TRIM15: variants seen among roughly 807,000 people sequenced by gnomAD.
TRIM15 encodes tripartite motif containing 15, also known as E3 ubiquitin-protein ligase TRIM15.
TRIM15 carries 35 observed loss-of-function variants against 35.8 expected under a neutral mutation model. That is an observed-to-expected ratio of 0.98 (90% CI 0.75 to 1.30). The LOEUF is 1.30. TRIM15 is among the 50% of genes most tolerant of loss of function. TRIM15 has a pLI of 0.00. For missense variants in TRIM15, 590 were observed against 593.5 expected, an observed-to-expected ratio of 0.99 and a Z score of 0.06; for synonymous variants, 252 against 249.8, an observed-to-expected ratio of 1.01 and a Z score of -0.08.
chr6:30,169,341 C>CA, intron 4 of TRIM15, 78 bp downstream of exon 4: 1 of 1,563,494 alleles, frequency 6.4e-7, no homozygotes, highest in South Asian at 1.1e-5. Flanking sequence ...CACTTACTGC[C>CA]ACCCACTTTG....
intron 5 of TRIM15, 23 bp from the exon 6 acceptor site, chr6:30,170,953 C>G: frequency 6.2e-7 from 1 of 1,608,622 alleles, no homozygotes; most frequent in Non-Finnish European, 8.5e-7. Flanking sequence ...ACAGATCTCT[C>G]TTTCTATTTC....
In TRIM15 at chr6:30,168,527, A is replaced by G. The variant is rs1220686468; in HGVS notation, c.705A>G (p.Leu235=). The part of the protein sequence containing the change: ...EKCQQPASEL[L]QDVRVNQSRC... ...GTCAGCAGCCAGCAAGTGAGCTTCT[A>G]CAAGTGAGAGACACTTCACCACTTT... The change falls in exon 3 of 7, where the codon CTA becomes CTG. Residue 235 remains leucine, a synonymous_variant. Transcript: ENST00000376694. The G allele has an allele frequency of 4.4e-6, 7 of 1,585,348 alleles. No individual in the cohort carries two copies. Among genetic ancestry groups the G allele is most frequent in the African/African-American group, 1.3e-5 (1 of 74,458 alleles).
chr6:30,163,610 G>C lies in TRIM15; in HGVS notation c.-75G>C. 1 of 1,508,162 alleles carries C rather than the reference G, an allele frequency of 6.6e-7. No homozygotes were observed. Among genetic ancestry groups the C allele is most frequent in the Non-Finnish European group, 8.9e-7 (1 of 1,125,164 alleles). The allele number at this position is 1,508,162 out of a possible 1,614,324, so 93.4% of individuals were successfully genotyped here. Reference sequence around the variant, plus strand: ...GTTTCCCTCTGCGATTCATGTAAGTGTGACTCGATTTCAGGGAAAGGGAAC... The same window carrying C: ...GTTTCCCTCTGCGATTCATGTAAGTCTGACTCGATTTCAGGGAAAGGGAAC... On this transcript the variant is annotated 5_prime_UTR_variant, in exon 1 of 7. Transcript: ENST00000376694.
intron 1 of TRIM15, among the ~76,000 whole-genome samples, chr6:30,166,067 G>A (rs1178008482): frequency 6.6e-6 from 1 of 152,174 alleles, no homozygotes; most frequent in Non-Finnish European, 1.5e-5. Flanking sequence ...TGTTCACTCT[G>A]ATGATAGTTT....
intron 1 of TRIM15, among the ~76,000 whole-genome samples, chr6:30,166,426 T>C (rs956439215): frequency 2.0e-4 from 31 of 152,348 alleles, no homozygotes; most frequent in African/African-American, 7.2e-4. Context: ...ATGTGTGGTG[T>C]TATTTCTGAG....
At position 30,164,066 on chromosome 6, in the gene TRIM15, G is replaced by C; in HGVS notation, c.381+1G>C. On this transcript the variant is annotated splice_donor_variant, in intron 1 of 6. Transcript: ENST00000376694. LOFTEE classifies it high-confidence loss of function. The stretch of plus-strand genomic sequence containing the variant: ...GGACGAGGCCATTCAGCCCTACCGG[G>C]TAAGAAGTGTAGCTTTACCTAGGGC... The C allele has an allele frequency of 6.2e-7, 1 of 1,608,660 alleles. No homozygotes were observed. Among genetic ancestry groups the C allele is most frequent in the Non-Finnish European group, 8.5e-7 (1 of 1,177,238 alleles).
At chr6:30,169,403 C>A in intron 4 of TRIM15, 140 bp downstream of exon 4, 1 of 876,294 alleles carries the variant, frequency 1.1e-6, no homozygotes, top group Non-Finnish European at 1.9e-6. Context: ...CAACTGTGCA[C>A]AAACAGTCCA....
intron 1 of TRIM15, among the ~76,000 whole-genome samples, chr6:30,165,275 C>A (rs1414703821): frequency 6.6e-6 from 1 of 152,098 alleles, no homozygotes; most frequent in Non-Finnish European, 1.5e-5. Flanking sequence ...CCTGACAGGC[C>A]CCGATGTGTG....
chr6:30,167,416 T>C (rs936111917), intron 2 of TRIM15, 145 bp downstream of exon 2: 18 of 666,614 alleles, frequency 2.7e-5, no homozygotes, highest in Non-Finnish European at 4.4e-5. Context: ...ACAAAGGCAT[T>C]TGGGATCTCA....
chr6:30,165,884 G>C (rs971834003), intron 1 of TRIM15, among the ~76,000 whole-genome samples: 5 of 152,120 alleles, frequency 3.3e-5, no homozygotes, highest in African/African-American at 1.2e-4. Flanking sequence ...TAGGTTTGTT[G>C]GCCACATAAA....
Position 30,167,412 on chromosome 6 carries a change from G to C in TRIM15, c.477+141G>C, listed in dbSNP as rs927086237. On this transcript the variant is annotated intron_variant, in intron 2 of 6. Transcript: ENST00000376694. ...TTCACCTTCCTGTGGCTGCACAAAG[G>C]CATTTGGGATCTCAGACCATGAGCA... The C allele has an allele frequency of 1.3e-5, 9 of 678,716 alleles. No homozygotes were observed. The South Asian group carries it at 1.7e-4, about 13-fold the overall frequency. The allele number at this position is 678,716 out of a possible 1,614,324, so 42.0% of individuals were successfully genotyped here. A position where few individuals can be genotyped will look rare whatever the true frequency, so the allele number is the denominator to read the frequency against.
chr6:30,169,245 T>C lies in TRIM15; in HGVS notation c.713T>C (p.Val238Ala). ...QQPASELLQD[V>A]RVNQSRCEMK... ...GTTCTTGTCTTTCTTTTGCAGGATG[T>C]CAGAGTCAACCAGAGCAGGTAGGGC... Residue 238 changes from valine (V) to alanine (A), a missense_variant, in exon 4 of 7, where the codon GTC becomes GCC. Transcript: ENST00000376694. The C allele has an allele frequency of 1.9e-6, 3 of 1,613,196 alleles. No homozygotes were observed. The highest frequency in any genetic ancestry group is 2.5e-6 in the Non-Finnish European group (3 of 1,180,038).
chr6:30,170,562 C>T lies in TRIM15; in HGVS notation c.793C>T (p.Arg265Cys), dbSNP rs761388796. The T allele has an allele frequency of 7.4e-6, 12 of 1,614,108 alleles. No homozygotes were observed. The highest frequency in any genetic ancestry group is 3.3e-5 in the South Asian group (3 of 91,068). Residue 265 changes from arginine (R) to cysteine (C), a missense_variant, in exon 5 of 7, where the codon CGT (arginine) becomes TGT (cysteine). Transcript: ENST00000376694. ...AISPDLVKKI[R>C]DFHRKILTLP... Reference sequence around the variant, plus strand: ...TTCTCCTGACCTTGTCAAGAAGATCCGTGATTTCCACAGGAAAATACTCAC... The same window carrying T: ...TTCTCCTGACCTTGTCAAGAAGATCTGTGATTTCCACAGGAAAATACTCAC...
chr6:30,169,147 T>C, intron 3 of TRIM15, 94 bp from the exon 4 acceptor site: 1 of 1,453,988 alleles, frequency 6.9e-7, no homozygotes, highest in East Asian at 2.3e-5. Flanking sequence ...AAGGAGAGTT[T>C]TGAGTTCATA....
intron 4 of TRIM15, 89 bp from the exon 5 acceptor site, chr6:30,170,412 T>G: frequency 1.3e-6 from 1 of 752,104 alleles, no homozygotes. Context: ...GCCAAGATCA[T>G]TCTTTAGTCT....
Position 30,168,283 on chromosome 6 carries a change from C to T in TRIM15, c.478-17C>T, listed in dbSNP as rs773852249. 6.2e-7 allele frequency: 1 copy of T among 1,607,516 alleles called. No homozygotes were observed. The highest frequency in any genetic ancestry group is 1.1e-5 in the South Asian group (1 of 90,574). ...CTGAGCCCCTTCCTAACCATGTCTG[C>T]CTTTTATCCCTTGAAGACTCAGATC... is the stretch of plus-strand genomic sequence containing the variant. On this transcript the variant is annotated splice_polypyrimidine_tract_variant and intron_variant, in intron 2 of 6. Coordinates refer to ENST00000376694, the MANE Select transcript of TRIM15 (RefSeq NM_033229.3).
chr6:30,168,259 T>G, intron 2 of TRIM15, 41 bp from the exon 3 acceptor site: 1 of 1,562,080 alleles, frequency 6.4e-7, no homozygotes. Flanking sequence ...AAGCTATCTC[T>G]GAGCCCCTTC....
chr6:30,169,178 A>G, intron 3 of TRIM15, 63 bp from the exon 4 acceptor site: 1 of 1,600,120 alleles, frequency 6.2e-7, no homozygotes, highest in East Asian at 2.2e-5. Context: ...AAAGTGATGT[A>G]CAGAATCCCT....
Position 30,167,254 on chromosome 6 carries a change from A to G in TRIM15, c.460A>G (p.Lys154Glu), listed in dbSNP as rs774848094. 1 of 1,612,828 alleles carries G rather than the reference A, an allele frequency of 6.2e-7. No homozygotes were observed. The highest frequency in any genetic ancestry group is 1.1e-5 in the South Asian group (1 of 91,076). Residue 154 changes from lysine (K) to glutamate (E), a missense_variant, in exon 2 of 7, where the codon AAG becomes GAG. Physicochemically the swap from Lys to Glu is moderately conservative, Grantham distance 56. Transcript: ENST00000376694. ...IEDVKCQEDQ[K>E]LQVLLTQIES... The stretch of plus-strand genomic sequence containing the variant: ...GGATGTAAAGTGTCAAGAAGACCAG[A>G]AGCTTCAAGTGCTGCTGGTACAGGC...
Sources: gnomAD v4.1 joint callset for allele counts (sites outside exome capture counted in the v4.1 genomes callset) on GRCh38, gnomAD v4.1.1 for gene constraint, MANE v1.5 for transcripts, NCBI Gene and HGNC (gene_info 2026-07-23, HGNC 2026-07-21) for gene names.